DOCK4: variants seen among roughly 807,000 people sequenced by gnomAD.
The protein encoded by DOCK4 is dedicator of cytokinesis 4, also known as dedicator of cytokinesis protein 4.
DOCK4 carries 97 observed loss-of-function variants against 268.1 expected under a neutral mutation model. The observed-to-expected ratio is 0.36, with a 90% confidence interval of 0.31 to 0.43. The LOEUF (loss-of-function observed/expected upper bound fraction) is 0.43, where lower values mean the gene tolerates loss of function less well. DOCK4 is among the 20% of genes least tolerant of loss of function. The pLI, the probability that DOCK4 is intolerant of heterozygous loss-of-function variation, is 1.00. For missense variants in DOCK4, 2,145 were observed against 2,455.7 expected (o/e 0.87, Z 2.67); for synonymous variants, 954 against 887.2 (o/e 1.08, Z -1.34).
At chr7:111,894,917 A>ATT (rs1808613387) in intron 16 of DOCK4, among the ~76,000 whole-genome samples, 2 of 152,228 alleles carry the variant, frequency 1.3e-5, no homozygotes, top group Admixed American at 6.5e-5. Context: ...CAGCAGGACC[A>ATT]GTTATCATAG....
intron 18 of DOCK4, 43 bp downstream of exon 18, chr7:111,872,424 C>T: frequency 2.0e-6 from 3 of 1,535,614 alleles, no homozygotes; most frequent in Non-Finnish European, 8.8e-7. Flanking sequence ...GTTCTTTATT[C>T]TATGAATCTC....
At chr7:112,041,526 C>T (rs887404247) in intron 1 of DOCK4, among the ~76,000 whole-genome samples, 1 of 152,128 alleles carries the variant, frequency 6.6e-6, no homozygotes, top group South Asian at 2.1e-4. Flanking sequence ...GTTAATTATG[C>T]CAAATCATAT....
chr7:111,872,066 C>A lies in DOCK4; in HGVS notation c.1951G>T (p.Asp651Tyr). The A allele has an allele frequency of 6.5e-7, 1 of 1,548,250 alleles. No homozygotes were observed. Among genetic ancestry groups the A allele is most frequent in the Non-Finnish European group, 8.7e-7 (1 of 1,146,776 alleles). The change falls in exon 20 of 53, where the codon GAT (aspartate) becomes TAT (tyrosine). Residue 651 changes from aspartate (D) to tyrosine (Y), a missense_variant. By Grantham distance (160) the Asp-to-Tyr change is radical (BLOSUM62 -3). This residue lies in a region of DOCK4 where 1,598 missense variants were observed against 1,986.7 expected (regional missense o/e 0.80). Coordinates refer to ENST00000428084, the MANE Select transcript of DOCK4 (RefSeq NM_001363540.2). ...GGTTTAAAATGATGAAATTTGCTAT[C>A]TTGCAGCAAATTTATTATGTGAACC... ...SLVHIINLLQ[D>Y]SKFHHFKPVM... is the part of the protein sequence containing the mutation.
intron 12 of DOCK4, among the ~76,000 whole-genome samples, chr7:111,933,930 G>C (rs991812038): frequency 6.6e-6 from 1 of 152,176 alleles, no homozygotes. Flanking sequence ...TGTCTACAGT[G>C]GTTTTCTCTT....
At chr7:112,106,247 G>T (rs905096370) in intron 1 of DOCK4, among the ~76,000 whole-genome samples, 5 of 152,316 alleles carry the variant, frequency 3.3e-5, no homozygotes, top group African/African-American at 1.2e-4. Context: ...TTGTCAGACA[G>T]GTTGAGCTTA....
At chr7:111,732,133 A>G in intron 52 of DOCK4, 93 bp downstream of exon 52, 4 of 1,313,780 alleles carry the variant, frequency 3.0e-6, no homozygotes, top group Non-Finnish European at 4.3e-6. Flanking sequence ...TGGTCCCTGC[A>G]AATTAAAGCA....
intron 5 of DOCK4, among the ~76,000 whole-genome samples, chr7:111,989,915 T>C (rs1799384424): frequency 6.6e-6 from 1 of 152,214 alleles, no homozygotes; most frequent in African/African-American, 2.4e-5. Flanking sequence ...GGCTGTTTTA[T>C]GGATTAGTGG....
chr7:111,975,739 C>T (rs1304792120), intron 8 of DOCK4, among the ~76,000 whole-genome samples: 1 of 151,986 alleles, frequency 6.6e-6, no homozygotes, highest in African/African-American at 2.4e-5. Context: ...TAGTAGATAA[C>T]GACTAAGATA....
In DOCK4 at chr7:111,895,602, C is replaced by T. The variant is rs754755702; in HGVS notation, c.1587+10G>A. The T allele has an allele frequency of 4.3e-6, 7 of 1,612,804 alleles. No homozygotes were observed. The South Asian group carries it at 4.4e-5, about 10-fold the overall frequency. ...TTTACTGCCCATCGCCACCATCTGA[C>T]TGATGTTACCTTATGCACGATGAGC... On this transcript the variant is annotated intron_variant, in intron 16 of 52. Transcript: ENST00000428084.
At chr7:112,128,418 G>A (rs536191050) in intron 1 of DOCK4, among the ~76,000 whole-genome samples, 23 of 152,302 alleles carry the variant, frequency 1.5e-4, no homozygotes, top group South Asian at 6.2e-4. Context: ...TGGGAGGTGT[G>A]CCCAACAGCT....
chr7:111,784,451 T>C (rs1355779890), intron 32 of DOCK4: 4 of 556,202 alleles, frequency 7.2e-6, no homozygotes, highest in Admixed American at 2.2e-5. Context: ...AAAATCCTTG[T>C]ACAGCTGGTA....
chr7:111,974,204 G>C (rs1797955371), intron 8 of DOCK4, among the ~76,000 whole-genome samples: 1 of 152,080 alleles, frequency 6.6e-6, no homozygotes, highest in South Asian at 2.1e-4. Context: ...CCGGCAGTTT[G>C]AACCAAACTG....
Position 111,760,276 on chromosome 7 carries a change from G to T in DOCK4, c.4067C>A (p.Ala1356Asp), listed in dbSNP as rs1293363098. 1 of 1,613,924 alleles carries T rather than the reference G, an allele frequency of 6.2e-7. No individual in the cohort carries two copies. Among genetic ancestry groups the T allele is most frequent in the South Asian group, 1.1e-5 (1 of 91,082 alleles). ...CRGHDYERLE[A>D]FQQRMLNEFP... ...CTCGTTCAGCATTCTCTGTTGGAAG[G>T]CTTCCAGCCTCTCGTAGTCATGCCC... Residue 1356 changes from alanine to aspartate, a missense_variant, in exon 40 of 53, where the codon GCC becomes GAC. By Grantham distance (126) the Ala-to-Asp change is moderately radical. Around this residue, in one of 2 missense-constraint regions of DOCK4, gnomAD observed 1,598 missense variants for 1,986.7 expected, o/e 0.80. Transcript: ENST00000428084.
intron 1 of DOCK4, among the ~76,000 whole-genome samples, chr7:112,060,366 C>T (rs964426641): frequency 6.6e-5 from 10 of 152,000 alleles, no homozygotes; most frequent in Admixed American, 2.6e-4. Context: ...TATGCACTGT[C>T]GGTAGGAATG....
At chr7:111,984,418 G>C (rs755947949) in intron 6 of DOCK4, 28 bp from the exon 7 acceptor site, 61 of 1,588,660 alleles carry the variant, frequency 3.8e-5, no homozygotes, top group Middle Eastern at 1.7e-4. Context: ...AAAGTTTGGG[G>C]GAAAAGTTAC....
chr7:111,901,524 A>G (rs951425038), intron 14 of DOCK4, among the ~76,000 whole-genome samples, 153 bp downstream of exon 14: 1 of 152,110 alleles, frequency 6.6e-6, no homozygotes, highest in African/African-American at 2.4e-5. Flanking sequence ...AAGAAAGAAA[A>G]CTACACAGGG....
chr7:112,120,115 G>A (rs1472792362), intron 1 of DOCK4, among the ~76,000 whole-genome samples: 1 of 152,080 alleles, frequency 6.6e-6, no homozygotes, highest in African/African-American at 2.4e-5. Flanking sequence ...CCAAAGTGCT[G>A]GGATTACAAG....
In DOCK4 at chr7:112,140,207, C is replaced by T. The variant is rs988287800; in HGVS notation, c.37+65895G>A. ...GGATACTCAAGTAAAAGATTAGTCA[C>T]AATAACAAACCAACTAACACAAGGC... is the stretch of plus-strand genomic sequence containing the variant. On this transcript the variant is annotated intron_variant, in intron 1 of 52. Transcript: ENST00000428084. Among the ~76,000 whole-genome samples, 5 of 152,212 alleles carry T rather than the reference C, an allele frequency of 3.3e-5. No homozygotes were observed. The East Asian group carries it at 9.7e-4, about 29-fold the overall frequency.
chr7:112,185,473 T>G (rs903331640), intron 1 of DOCK4, among the ~76,000 whole-genome samples: 29 of 151,972 alleles, frequency 1.9e-4, no homozygotes, highest in Admixed American at 1.4e-3. Flanking sequence ...TAAGAAAGCA[T>G]CCAAACAGGA....
Sources: allele counts gnomAD v4.1 joint callset (sites outside exome capture counted in the v4.1 genomes callset), GRCh38; gene constraint gnomAD v4.1.1; regional missense constraint gnomAD v4.1.1; transcripts MANE v1.5; gene names NCBI Gene and HGNC (gene_info 2026-07-23, HGNC 2026-07-21).